DRD3: variants seen among roughly 807,000 people sequenced by gnomAD.
DRD3 encodes D(3) dopamine receptor.
In DRD3, 19 loss-of-function variants were observed where a neutral mutation model predicts 36.3. The observed-to-expected ratio is 0.52, with a 90% CI of 0.36 to 0.77. The LOEUF (loss-of-function observed/expected upper bound fraction) is 0.77. Ranked by LOEUF, DRD3 falls within the 30% of genes least tolerant of loss-of-function variation. The pLI is 0.00. For missense variants in DRD3, 465 were observed against 505.3 expected (o/e 0.92, Z 0.77); for synonymous variants, 195 against 203.7 (o/e 0.96, Z 0.36).
Position 114,131,237 on chromosome 3 carries a change from AAGCTG to A in DRD3, c.882_886del (p.Ser295ArgfsTer80). On this transcript the variant is annotated frameshift_variant, in exon 6 of 7. Coordinates refer to ENST00000383673, the MANE Select transcript of DRD3 (RefSeq NM_000796.6). LOFTEE classifies it high-confidence loss of function. ...GCCATTGCTGAGTTTTCGAACTTCT[AAGCTG>A]AGCTTGGGCGCTATGGTGGGACTCA... 1 of 1,614,210 alleles carries A rather than the reference AAGCTG, an allele frequency of 6.2e-7. No homozygotes were observed. Among genetic ancestry groups the A allele is most frequent in the Non-Finnish European group, 8.5e-7 (1 of 1,180,036 alleles).
intron 1 of DRD3, among the ~76,000 whole-genome samples, chr3:114,189,388 AT>A (rs1358577836): frequency 2.6e-5 from 4 of 152,216 alleles, no homozygotes; most frequent in African/African-American, 9.6e-5. Flanking sequence ...TACTTGTTGC[AT>A]TTGCTTTGGC....
chr3:114,174,820 C>G (rs2077882161), intron 1 of DRD3, among the ~76,000 whole-genome samples: 1 of 151,500 alleles, frequency 6.6e-6, no homozygotes, highest in Non-Finnish European at 1.5e-5. Context: ...CTTTCTTTTC[C>G]CCTCTGTTAG....
intron 3 of DRD3, among the ~76,000 whole-genome samples, chr3:114,153,761 C>T (rs896454517): frequency 6.6e-6 from 1 of 152,168 alleles, no homozygotes; most frequent in Non-Finnish European, 1.5e-5. Context: ...TGAATCCTTA[C>T]TCTTGCACCA....
intron 5 of DRD3, among the ~76,000 whole-genome samples, chr3:114,137,992 C>T (rs368784359): frequency 4.5e-4 from 38 of 84,650 alleles, no homozygotes; most frequent in African/African-American, 1.7e-3. Context: ...AGCGAGACTC[C>T]GTCTCAAAAA....
chr3:114,195,271 A>G (rs1423384310), intron 1 of DRD3, among the ~76,000 whole-genome samples: 1 of 152,144 alleles, frequency 6.6e-6, no homozygotes, highest in Non-Finnish European at 1.5e-5. Flanking sequence ...TTTTTGTCTC[A>G]TTTTCAACAA....
Position 114,152,986 on chromosome 3 carries a change from A to G in DRD3, c.384-5429T>C, listed in dbSNP as rs542492267. Among the ~76,000 whole-genome samples, 187 of 152,334 alleles carry G rather than the reference A, an allele frequency of 1.2e-3. 1 individual carries two copies. The highest frequency in any genetic ancestry group is 4.3e-3 in the African/African-American group (179 of 41,590). ...GCGCCGCCCCTGCAGACCCTGAGCC[A>G]GGGACCCTCCCCTTGTGTCTGAGCT... On this transcript the variant is annotated intron_variant, in intron 3 of 6. Transcript: ENST00000383673.
At chr3:114,163,015 C>G (rs182690409) in intron 2 of DRD3, among the ~76,000 whole-genome samples, 24 of 152,308 alleles carry the variant, frequency 1.6e-4, no homozygotes, top group Admixed American at 1.4e-3. Context: ...GCTTAGCCCC[C>G]AAAGGACAAA....
intron 5 of DRD3, among the ~76,000 whole-genome samples, chr3:114,135,784 G>T (rs2107833852): frequency 6.6e-6 from 1 of 152,094 alleles, no homozygotes; most frequent in African/African-American, 2.4e-5. Flanking sequence ...TTGCTTCCTG[G>T]GTTAGAGTGA....
Position 114,128,734 on chromosome 3 carries a change from G to A in DRD3, c.1185C>T (p.Leu395=), listed in dbSNP as rs2077399020. ...TFNIEFRKAF[L]KILSC ...TGCTCCCTCAGCAAGACAGGATCTTGAGGAAGGCTTTCCGGAACTCGATAT... is the reference window on the plus strand; with the variant it reads ...TGCTCCCTCAGCAAGACAGGATCTTAAGGAAGGCTTTCCGGAACTCGATAT... Residue 395 remains leucine, a synonymous_variant, in exon 7 of 7, where the codon CTC becomes CTT. Transcript: ENST00000383673. 6.2e-7 allele frequency: 1 copy of A among 1,604,914 alleles called. No homozygotes were observed. Among genetic ancestry groups the A allele is most frequent in the South Asian group, 1.1e-5 (1 of 89,580 alleles).
At chr3:114,181,825 G>A (rs1471098545), upstream of DRD3, among the ~76,000 whole-genome samples, 1 of 152,208 alleles carries the variant, frequency 6.6e-6, no homozygotes, top group Non-Finnish European at 1.5e-5. Context: ...TCTTTGAAAT[G>A]CTGTTCCAGG....
intron 4 of DRD3, among the ~76,000 whole-genome samples, chr3:114,143,815 T>C (rs2077547900): frequency 1.3e-5 from 2 of 152,214 alleles, no homozygotes; most frequent in African/African-American, 4.8e-5. Context: ...TTTCTTAACT[T>C]TAAGTTTCTC....
Position 114,159,997 on chromosome 3 carries a change from C to T in DRD3, c.271-130G>A, listed in dbSNP as rs568782509. On this transcript the variant is annotated intron_variant, in intron 2 of 6. Transcript: ENST00000383673. ...CCTACTCCCTGTGTACCGTTGTTCC[C>T]ACAGGGCAGATGGACATCAAGGGAG... The T allele has an allele frequency of 2.0e-5, 15 of 755,712 alleles. 1 individual carries two copies. The highest frequency in any genetic ancestry group is 1.7e-4 in the South Asian group (10 of 59,900). 46.8% of individuals were successfully genotyped at this position (755,712 alleles called of 1,614,324 possible).
chr3:114,193,290 GACAACAACAACA>G (rs201054154), intron 1 of DRD3, among the ~76,000 whole-genome samples: 2 of 125,700 alleles, frequency 1.6e-5, no homozygotes, highest in Non-Finnish European at 3.6e-5. Context: ...AAACAACAAC[GACAACAACAACA>G]ACAACAACAA....
At chr3:114,161,116 G>C (rs939484606) in intron 2 of DRD3, among the ~76,000 whole-genome samples, 3 of 152,130 alleles carry the variant, frequency 2.0e-5, no homozygotes, top group African/African-American at 7.2e-5. Flanking sequence ...CTTTCCTGGG[G>C]GGGTGGGCTG....
chr3:114,189,270 A>T (rs1195252717), intron 1 of DRD3, among the ~76,000 whole-genome samples: 2 of 152,228 alleles, frequency 1.3e-5, no homozygotes, highest in African/African-American at 4.8e-5. Flanking sequence ...TTAAGCACAC[A>T]TCAAGAGTAA....
rs201100588 is a variant in DRD3 at position 114,128,755 on chromosome 3, G to T, written c.1164C>A (p.Ile388=). 1.9e-6 allele frequency: 3 copies of T among 1,610,122 alleles called. No homozygotes were observed. Among genetic ancestry groups the T allele is most frequent in the Non-Finnish European group, 2.5e-6 (3 of 1,178,122 alleles). The change falls in exon 7 of 7, where the codon ATC becomes ATA. Residue 388 remains isoleucine, a synonymous_variant. Coordinates refer to ENST00000383673, the MANE Select transcript of DRD3 (RefSeq NM_000796.6). The part of the protein sequence containing the change: ...LNPVIYTTFN[I]EFRKAFLKIL... ...TCTTGAGGAAGGCTTTCCGGAACTC[G>T]ATATTGAAGGTGGTATAGATCACAG...
At position 114,185,957 on chromosome 3, in the gene DRD3, A is replaced by T. The variant is rs949969675; in HGVS notation, c.-155-7181T>A. On this transcript the variant is annotated intron_variant, in intron 1 of 7. Transcript: ENST00000460779. Reference sequence around the variant, plus strand: ...TAATAATGTGGTAACTCTGTAAATCAGATTCTCCCTCTTCTCCAGGGCTTG... The same window carrying T: ...TAATAATGTGGTAACTCTGTAAATCTGATTCTCCCTCTTCTCCAGGGCTTG... 9.8e-5 allele frequency among the ~76,000 whole-genome samples: 15 copies of T among 152,350 alleles called. No homozygotes were observed. In the South Asian group the frequency reaches 2.7e-3, roughly 27 times the overall value.
At chr3:114,164,831 A>T (rs2107873546) in intron 2 of DRD3, among the ~76,000 whole-genome samples, 1 of 152,300 alleles carries the variant, frequency 6.6e-6, no homozygotes, top group South Asian at 2.1e-4. Flanking sequence ...GGCTCACTGC[A>T]ATCTCCACCT....
chr3:114,148,838 G>A (rs1489712779), intron 3 of DRD3, among the ~76,000 whole-genome samples: 1 of 151,952 alleles, frequency 6.6e-6, no homozygotes, highest in African/African-American at 2.4e-5. Context: ...TCAGCCTCCC[G>A]AGTAGCTGGG....
Sources: allele counts gnomAD v4.1 joint callset (sites outside exome capture counted in the v4.1 genomes callset), GRCh38; gene constraint gnomAD v4.1.1; transcripts MANE v1.5; gene names NCBI Gene and HGNC (gene_info 2026-07-23, HGNC 2026-07-21).